Variants in PDS5A observed in about 807,000 individuals in gnomAD.
PDS5A encodes the protein sister chromatid cohesion protein PDS5 homolog A.
Under a neutral mutation model 167.1 loss-of-function variants are expected in PDS5A, and 42 were observed. The ratio of observed to expected loss-of-function variants is 0.25; its 90% CI spans 0.20 to 0.33. The LOEUF (loss-of-function observed/expected upper bound fraction) is 0.33. PDS5A is among the 10% of genes least tolerant of loss of function. PDS5A has a pLI of 1.00. For synonymous variants in PDS5A, 553 were observed against 554.6 expected (o/e 1.00, Z 0.04); for missense variants, 1,033 against 1,605.9 (o/e 0.64, Z 6.10).
At chr4:39,950,203 T>C (rs183875679) in intron 2 of PDS5A, among the ~76,000 whole-genome samples, 6 of 152,106 alleles carry the variant, frequency 3.9e-5, no homozygotes, top group Admixed American at 1.3e-4. Flanking sequence ...ACCCAGCCAA[T>C]TGTACGTTTT....
intron 2 of PDS5A, among the ~76,000 whole-genome samples, chr4:39,948,361 A>G (rs529966455): frequency 8.8e-6 from 1 of 113,240 alleles, no homozygotes; most frequent in Admixed American, 1.3e-4. Context: ...TCTGTCACCC[A>G]GGCTGGAGTG....
chr4:39,904,025 A>G lies in PDS5A; in HGVS notation c.1385+15T>C. 6.5e-7 allele frequency: 1 copy of G among 1,538,028 alleles called. No homozygotes were observed. The highest frequency in any genetic ancestry group is 8.8e-7 in the Non-Finnish European group (1 of 1,136,162). On this transcript the variant is annotated intron_variant, in intron 12 of 32. Transcript: ENST00000303538. ...AGTTTTACACTCAACCATTCTACCAACATATTAAACTCACTTGTCGTCAAT... is the reference window on the plus strand; with the variant it reads ...AGTTTTACACTCAACCATTCTACCAGCATATTAAACTCACTTGTCGTCAAT...
rs1158287221 is a variant in PDS5A at position 39,829,950 on chromosome 4, C to CAAAAAAAAAAAAAAAAA, written c.4011-4479_4011-4463dup. Among the ~76,000 whole-genome samples, 7 of 67,304 alleles carry CAAAAAAAAAAAAAAAAA rather than the reference C, an allele frequency of 1.0e-4. 1 individual carries two copies. The highest frequency in any genetic ancestry group is 4.2e-4 in the African/African-American group (5 of 11,920). The allele number at this position is 67,304 out of a possible 152,430, so 44.2% of individuals were successfully genotyped here. On this transcript the variant is annotated intron_variant, in intron 32 of 32. Transcript: ENST00000303538. ...TGGGCGACAGACTGAGACTCCAACTCAAAAAAAAAAAAAAAAAAAAAAAAA... is the reference window on the plus strand; with the variant it reads ...TGGGCGACAGACTGAGACTCCAACTCAAAAAAAAAAAAAAAAAAAAAAAAAAAAAAAAAAAAAAAAAA...
chr4:39,854,044 G>A (rs1400179878), intron 26 of PDS5A, among the ~76,000 whole-genome samples: 1 of 152,212 alleles, frequency 6.6e-6, no homozygotes, highest in African/African-American at 2.4e-5. Flanking sequence ...GCTCACGCCT[G>A]TAATCCCAGC....
intron 18 of PDS5A, among the ~76,000 whole-genome samples, 195 bp downstream of exon 18, chr4:39,879,529 TATTA>T (rs778622297): frequency 2.6e-5 from 4 of 152,156 alleles, no homozygotes; most frequent in Non-Finnish European, 4.4e-5. Context: ...GTGAAACAAA[TATTA>T]ATTTATAATG....
chr4:39,928,549 C>G (rs891022560), intron 2 of PDS5A, among the ~76,000 whole-genome samples: 1 of 152,026 alleles, frequency 6.6e-6, no homozygotes, highest in East Asian at 1.9e-4. Context: ...ATTAAAGGAG[C>G]CTTCTTCAGG....
chr4:39,833,033 T>C (rs1482991993), intron 32 of PDS5A, among the ~76,000 whole-genome samples: 2 of 146,786 alleles, frequency 1.4e-5, no homozygotes, highest in Non-Finnish European at 3.0e-5. Flanking sequence ...AATAAATATA[T>C]ATATAAAATT....
intron 20 of PDS5A, 109 bp downstream of exon 20, chr4:39,874,180 G>A: frequency 1.2e-6 from 1 of 812,456 alleles, no homozygotes; most frequent in South Asian, 1.9e-5. Flanking sequence ...TATAGTCTAA[G>A]GTAGGACTTC....
chr4:39,852,936 A>G (rs1718234324), intron 26 of PDS5A, among the ~76,000 whole-genome samples: 1 of 152,166 alleles, frequency 6.6e-6, no homozygotes, highest in Admixed American at 6.5e-5. Context: ...TGCCTCAGAC[A>G]TTCCTAGACT....
chr4:39,869,964 T>C (rs894525419), intron 21 of PDS5A, among the ~76,000 whole-genome samples: 1 of 151,902 alleles, frequency 6.6e-6, no homozygotes, highest in African/African-American at 2.4e-5. Flanking sequence ...AAAAAATTAG[T>C]TGGGCATGGT....
intron 26 of PDS5A, among the ~76,000 whole-genome samples, chr4:39,852,746 T>G (rs541530431): frequency 6.6e-6 from 1 of 152,308 alleles, no homozygotes; most frequent in East Asian, 1.9e-4. Flanking sequence ...ATCCTCTCCT[T>G]GTCAATGTTA....
Position 39,925,838 on chromosome 4 carries a change from G to A in PDS5A, c.525C>T (p.Ile175=). 1 of 1,301,518 alleles carries A rather than the reference G, an allele frequency of 7.7e-7. No homozygotes were observed. Among genetic ancestry groups the A allele is most frequent in the Non-Finnish European group, 1.1e-6 (1 of 929,024 alleles). 80.6% of individuals were successfully genotyped at this position (1,301,518 alleles called of 1,614,324 possible). A position where few individuals can be genotyped will look rare whatever the true frequency, so the allele number is the denominator to read the frequency against. The change falls in exon 5 of 33, where the codon ATC becomes ATT. Residue 175 remains isoleucine, a splice_region_variant and synonymous_variant. Coordinates refer to ENST00000303538, the MANE Select transcript of PDS5A (RefSeq NM_001100399.2). ...IQLFRTLFSV[I]NNSHNKKVQM... ...GAAATGCTTAAAAAATAACTTACTT[G>A]ATCACTGAGAAGAGAGTTCTAAAAA...
intron 2 of PDS5A, among the ~76,000 whole-genome samples, chr4:39,931,264 C>CTT (rs111975524): frequency 6.9e-6 from 1 of 145,854 alleles, no homozygotes; most frequent in Non-Finnish European, 1.5e-5. Flanking sequence ...AGGTTTTGTA[C>CTT]TTTTTTTTTT....
intron 16 of PDS5A, chr4:39,897,879 A>G (rs1384245563): frequency 3.9e-6 from 1 of 256,586 alleles, no homozygotes; most frequent in Non-Finnish European, 6.1e-6. Context: ...AAAAAAAAAA[A>G]AAGCTGAATA....
chr4:39,825,569 G>T, intron 32 of PDS5A, 81 bp from the exon 33 acceptor site: 18 of 949,160 alleles, frequency 1.9e-5, no homozygotes, highest in Middle Eastern at 2.3e-4. Context: ...CATTTCCATA[G>T]TTGTTATCTA....
intron 2 of PDS5A, among the ~76,000 whole-genome samples, chr4:39,931,680 TAACCTTGAA>T (rs1726079201): frequency 6.6e-6 from 1 of 152,162 alleles, no homozygotes; most frequent in Non-Finnish European, 1.5e-5. Context: ...TTTTACGACC[TAACCTTGAA>T]AAGCATACAT....
chr4:39,879,863 A>C (rs775744765), intron 17 of PDS5A, 30 bp from the exon 18 acceptor site: 1 of 1,220,068 alleles, frequency 8.2e-7, no homozygotes, highest in Admixed American at 1.7e-5. Flanking sequence ...TAAATCAGTA[A>C]CCACTGTAGT....
At chr4:39,934,554 G>A (rs1726388281) in intron 2 of PDS5A, among the ~76,000 whole-genome samples, 1 of 150,498 alleles carries the variant, frequency 6.6e-6, no homozygotes. Context: ...TTTTCCTGTG[G>A]ATTGTGTTTT....
chr4:39,891,891 C>G (rs1234128968), intron 16 of PDS5A, among the ~76,000 whole-genome samples: 1 of 150,372 alleles, frequency 6.7e-6, no homozygotes, highest in Non-Finnish European at 1.5e-5. Flanking sequence ...GGTGGATTGC[C>G]TGAGCTCAAG....
Sources: allele counts gnomAD v4.1 joint callset (sites outside exome capture counted in the v4.1 genomes callset), GRCh38; gene constraint gnomAD v4.1.1; transcripts MANE v1.5; gene names NCBI Gene and HGNC (gene_info 2026-07-23, HGNC 2026-07-21).